The following NUP210 variants were observed in gnomAD, a reference collection of about 807,000 sequenced individuals.
NUP210 encodes the protein nucleoporin 210, also known as nuclear pore membrane glycoprotein 210.
Under a neutral mutation model 196.0 loss-of-function variants are expected in NUP210, and 151 were observed. The ratio of observed to expected loss-of-function variants is 0.77; its 90% confidence interval spans 0.67 to 0.88. NUP210 has a LOEUF of 0.88. NUP210 is among the 40% of genes least tolerant of loss of function. The pLI, the probability that NUP210 is intolerant of heterozygous loss-of-function variation, is 0.00. For missense variants in NUP210, 2,314 were observed against 2,493.7 expected (o/e 0.93, Z 1.53); for synonymous variants, 1,070 against 1,052.7 (o/e 1.02, Z -0.32).
At chr3:13,330,151 C>T (rs372264968) in intron 30 of NUP210, among the ~76,000 whole-genome samples, 14 of 152,346 alleles carry the variant, frequency 9.2e-5, no homozygotes, top group African/African-American at 2.4e-4. Context: ...GTGGAGCACC[C>T]GCACTCCAGT....
chr3:13,338,437 G>A (rs777618967), intron 25 of NUP210, among the ~76,000 whole-genome samples: 1 of 152,214 alleles, frequency 6.6e-6, no homozygotes, highest in Admixed American at 6.5e-5. Flanking sequence ...TAGTGCTGCT[G>A]AGTCATGCTG....
intron 20 of NUP210, chr3:13,346,990 C>T: frequency 1.0e-6 from 1 of 983,586 alleles, no homozygotes; most frequent in South Asian, 4.7e-5. Context: ...GGACGTGCAC[C>T]ACTGTCCACA....
intron 6 of NUP210, among the ~76,000 whole-genome samples, chr3:13,384,686 C>G (rs1217012264): frequency 6.6e-6 from 1 of 152,244 alleles, no homozygotes; most frequent in East Asian, 1.9e-4. Flanking sequence ...AAGCGTCTTC[C>G]TTCAGGCCGC....
intron 27 of NUP210, 147 bp downstream of exon 27, chr3:13,336,640 C>T (rs979415911): frequency 1.2e-5 from 10 of 818,474 alleles, no homozygotes; most frequent in African/African-American, 1.0e-4. Context: ...CGATGAGCCT[C>T]GGGAGAGGGA....
In NUP210 at chr3:13,317,733, C is replaced by T. The variant is rs139022956; in HGVS notation, c.5612G>A (p.Arg1871His). The change falls in exon 40 of 40, where the codon CGC becomes CAC. Residue 1871 changes from arginine to histidine, a missense_variant. Transcript: ENST00000254508. ...PTSPNALPPA[R>H]KASPPSGLWS... is the part of the protein sequence containing the mutation. The stretch of plus-strand genomic sequence containing the variant: ...CAGCCCTGAGGGAGGGCTGGCTTTG[C>T]GAGCAGGAGGCAATGCATTGGGAGA... 6.8e-6 allele frequency: 11 copies of T among 1,611,736 alleles called. No individual in the cohort carries two copies. The highest frequency in any genetic ancestry group is 4.5e-5 in the East Asian group (2 of 44,810).
chr3:13,319,754 G>A lies in NUP210; in HGVS notation c.5383+9C>T, dbSNP rs372307341. 4.0e-5 allele frequency: 64 copies of A among 1,612,648 alleles called. No individual in the cohort carries two copies. The highest frequency in any genetic ancestry group is 5.0e-5 in the Non-Finnish European group (59 of 1,178,832). On this transcript the variant is annotated intron_variant, in intron 37 of 39. Coordinates refer to ENST00000254508, the MANE Select transcript of NUP210 (RefSeq NM_024923.4). ...GGTCTGTCCCAGATGATGTCGTTCC[G>A]TGACTCACAAGGACCGGGCCCACGG...
intron 1 of NUP210, among the ~76,000 whole-genome samples, chr3:13,409,480 T>C (rs1700096442): frequency 6.6e-6 from 1 of 152,234 alleles, no homozygotes; most frequent in Non-Finnish European, 1.5e-5. Flanking sequence ...TGGTACCATC[T>C]TGAAACTTTC....
chr3:13,333,563 C>T (rs962953654), intron 28 of NUP210, among the ~76,000 whole-genome samples: 1 of 152,254 alleles, frequency 6.6e-6, no homozygotes, highest in African/African-American at 2.4e-5. Context: ...CCACAACTAA[C>T]GTCCTCTCCA....
intron 15 of NUP210, among the ~76,000 whole-genome samples, chr3:13,359,542 C>T (rs765093992): frequency 6.6e-6 from 1 of 152,196 alleles, no homozygotes; most frequent in Non-Finnish European, 1.5e-5. Context: ...TTGCCCTGCA[C>T]ACATGCAGGA....
intron 18 of NUP210, 24 bp downstream of exon 18, chr3:13,353,530 C>T (rs1473059417): frequency 6.3e-7 from 1 of 1,579,354 alleles, no homozygotes; most frequent in Non-Finnish European, 8.7e-7. Flanking sequence ...CATAGCCCAC[C>T]CACCACTGGG....
At chr3:13,380,481 T>C (rs4684933) in intron 6 of NUP210, among the ~76,000 whole-genome samples, 89,117 of 152,030 alleles carry the variant, frequency 0.59, 27,455 homozygotes, top group African/African-American at 0.78. Context: ...GGACTGAGGA[T>C]ATCAAGATGA....
intron 16 of NUP210, 27 bp downstream of exon 16, chr3:13,358,195 C>A: frequency 6.4e-7 from 1 of 1,572,814 alleles, no homozygotes; most frequent in South Asian, 1.1e-5. Context: ...GCACCCTCAC[C>A]TCCTCCCGAG....
chr3:13,338,635 G>A (rs763362883), intron 25 of NUP210, among the ~76,000 whole-genome samples: 3 of 152,222 alleles, frequency 2.0e-5, no homozygotes, highest in Admixed American at 6.5e-5. Flanking sequence ...TTGGGGTGCT[G>A]GTTGTGTGCT....
intron 26 of NUP210, 186 bp from the exon 27 acceptor site, chr3:13,337,104 T>A (rs1292117447): frequency 1.2e-5 from 7 of 588,476 alleles, no homozygotes; most frequent in Non-Finnish European, 2.0e-5. Flanking sequence ...GGGACTGTTT[T>A]CCCCATACTG....
chr3:13,366,143 T>C, intron 13 of NUP210, 52 bp from the exon 14 acceptor site: 2 of 1,573,888 alleles, frequency 1.3e-6, no homozygotes, highest in Non-Finnish European at 1.7e-6. Flanking sequence ...TTTTTCTTTT[T>C]TTTGAGATGG....
In NUP210 at chr3:13,327,375, C is replaced by G. The variant is rs770407419; in HGVS notation, c.4349G>C (p.Ser1450Thr). The G allele has an allele frequency of 3.7e-6, 6 of 1,613,440 alleles. No homozygotes were observed. Among genetic ancestry groups the G allele is most frequent in the African/African-American group, 2.7e-5 (2 of 74,938 alleles). ...TNNTCVVRTV[S>T]VGLTLLRVWD... ...CACACGGAGCAGTGTCAGGCCCACG[C>G]TGACTGTGCGGACAACGCAGGTGTT... is the stretch of plus-strand genomic sequence containing the variant. The change falls in exon 32 of 40, where the codon AGC (serine) becomes ACC (threonine). Residue 1450 changes from serine to threonine, a missense_variant. By Grantham distance (58) the Ser-to-Thr change is moderately conservative. Transcript: ENST00000254508.
At chr3:13,377,414 C>T in intron 9 of NUP210, 42 bp downstream of exon 9, 1 of 1,440,948 alleles carries the variant, frequency 6.9e-7, no homozygotes, top group Non-Finnish European at 9.8e-7. Context: ...CAGACAACGA[C>T]CCCACCTCAT....
At chr3:13,326,953 A>G (rs1303018037) in intron 32 of NUP210, among the ~76,000 whole-genome samples, 1 of 152,254 alleles carries the variant, frequency 6.6e-6, no homozygotes, top group Non-Finnish European at 1.5e-5. Context: ...ATGACCACAC[A>G]ATCTGGCAGT....
chr3:13,334,743 G>C (rs1697138651), intron 28 of NUP210, among the ~76,000 whole-genome samples: 3 of 152,214 alleles, frequency 2.0e-5, no homozygotes, highest in Admixed American at 2.0e-4. Flanking sequence ...GAGGGGCCCA[G>C]AGGGGCAGGA....
Sources: gnomAD v4.1 joint callset for allele counts (sites outside exome capture counted in the v4.1 genomes callset) on GRCh38, gnomAD v4.1.1 for gene constraint, MANE v1.5 for transcripts, NCBI Gene and HGNC (gene_info 2026-07-23, HGNC 2026-07-21) for gene names.